ATP10B: variants seen among roughly 807,000 people sequenced by gnomAD.
ATP10B encodes ATPase phospholipid transporting 10B (putative), also known as phospholipid-transporting ATPase VB.
In ATP10B, 122 loss-of-function variants were observed where a neutral mutation model predicts 141.2. That is an observed-to-expected ratio of 0.86 (90% confidence interval 0.75 to 1.00). The LOEUF is 1.00. Ranked by LOEUF, ATP10B falls within the 50% of genes least tolerant of loss-of-function variation. The pLI, the probability that ATP10B is intolerant of heterozygous loss-of-function variation, is 0.00. For missense variants in ATP10B, 1,876 were observed against 1,825.3 expected, an observed-to-expected ratio of 1.03 and a Z score of -0.51; for synonymous variants, 685 against 692.0, an observed-to-expected ratio of 0.99 and a Z score of 0.16.
At chr5:160,890,901 G>T in the ATP10B span, among the ~76,000 whole-genome samples, 2 of 152,180 alleles carry the variant, frequency 1.3e-5, no homozygotes, top group East Asian at 3.9e-4. Flanking sequence ...TGTAGAGACA[G>T]GTCTCACTAT....
intron 6 of ATP10B, among the ~76,000 whole-genome samples, chr5:160,680,396 G>T (rs1262560239): frequency 2.0e-5 from 3 of 152,162 alleles, no homozygotes; most frequent in African/African-American, 7.2e-5. Flanking sequence ...GCATCCATCA[G>T]TTAAGATAAT....
At chr5:160,840,788 A>G (rs887407080) in intron 1 of ATP10B, among the ~76,000 whole-genome samples, 2 of 152,154 alleles carry the variant, frequency 1.3e-5, no homozygotes, top group Non-Finnish European at 2.9e-5. Context: ...AAAATGAACA[A>G]AAGAAAAAGA....
chr5:160,823,019 T>TATATATATAC (rs1444541660), intron 1 of ATP10B, among the ~76,000 whole-genome samples: 1 of 122,090 alleles, frequency 8.2e-6, no homozygotes, highest in African/African-American at 3.0e-5. Flanking sequence ...TATATATATA[T>TATATATATAC]ATATATATAT....
the ATP10B span, among the ~76,000 whole-genome samples, chr5:160,858,912 C>T: frequency 7.9e-5 from 12 of 151,878 alleles, no homozygotes; most frequent in South Asian, 1.7e-3. Flanking sequence ...TATTTAGAAG[C>T]AAATGAAACG....
chr5:160,600,981 G>A lies in ATP10B; in HGVS notation c.3363+1596C>T, dbSNP rs145024835. Among the ~76,000 whole-genome samples the A allele has an allele frequency of 1.4e-3, 207 of 152,192 alleles. 1 individual carries two copies. Among genetic ancestry groups the A allele is most frequent in the African/African-American group, 4.5e-3 (189 of 41,556 alleles). ...TTTGAAAGCGTGGCTGCTTGGAAAC[G>A]TTTTCTTTCCTATTTCACAAATTTA... On this transcript the variant is annotated intron_variant, in intron 21 of 25. Coordinates refer to ENST00000327245, the MANE Select transcript of ATP10B (RefSeq NM_025153.3).
rs2127621547 is a variant in ATP10B at position 160,598,712 on chromosome 5, G to A, written c.3564+58C>T. ...CTCTTTCTCTGATGCCTCCAGAGGG[G>A]AGGTAGAGGTCAGTAAGAAGCTGAA... On this transcript the variant is annotated intron_variant, in intron 22 of 25. Coordinates refer to ENST00000327245, the MANE Select transcript of ATP10B (RefSeq NM_025153.3). 3 of 1,520,044 alleles carry A rather than the reference G, an allele frequency of 2.0e-6. No individual in the cohort carries two copies. The South Asian group carries it at 3.4e-5, about 17-fold the overall frequency. The allele number at this position is 1,520,044 out of a possible 1,614,324, so 94.2% of individuals were successfully genotyped here.
chr5:160,679,904 G>A (rs556709369), intron 6 of ATP10B, among the ~76,000 whole-genome samples: 1 of 152,278 alleles, frequency 6.6e-6, no homozygotes, highest in South Asian at 2.1e-4. Flanking sequence ...GGCTGGTATG[G>A]TTTCTAGATT....
the ATP10B span, among the ~76,000 whole-genome samples, chr5:160,902,091 C>G: frequency 6.6e-6 from 1 of 152,084 alleles, no homozygotes; most frequent in Non-Finnish European, 1.5e-5. Context: ...AGGTCATATA[C>G]AAAAAGAGTT....
At chr5:160,878,846 A>T in the ATP10B span, among the ~76,000 whole-genome samples, 1 of 150,192 alleles carries the variant, frequency 6.7e-6, no homozygotes, top group Non-Finnish European at 1.5e-5. Flanking sequence ...ATACCATCTC[A>T]CACCAGTTAG....
At chr5:160,855,579 C>T (rs1330784482), upstream of ATP10B, among the ~76,000 whole-genome samples, 1 of 150,946 alleles carries the variant, frequency 6.6e-6, no homozygotes, top group Non-Finnish European at 1.5e-5. Flanking sequence ...TCTTTTTATC[C>T]CCTTCACAGG....
chr5:160,744,569 G>C (rs917068614), intron 2 of ATP10B, among the ~76,000 whole-genome samples: 2 of 152,046 alleles, frequency 1.3e-5, no homozygotes, highest in Admixed American at 1.3e-4. Flanking sequence ...AGAAAATTTG[G>C]GTCTGTTTGT....
intron 3 of ATP10B, chr5:160,692,869 A>G (rs1026239114): frequency 2.6e-4 from 40 of 152,210 alleles, no homozygotes; most frequent in African/African-American, 9.4e-4. Context: ...TAGCCCTCCA[A>G]TTAAATCTCT....
intron 19 of ATP10B, among the ~76,000 whole-genome samples, chr5:160,604,376 T>C (rs1484281215): frequency 6.6e-6 from 1 of 152,158 alleles, no homozygotes. Context: ...ACTTTACTGA[T>C]GAGCAAATGG....
At chr5:160,709,208 G>C (rs1419921078) in intron 3 of ATP10B, among the ~76,000 whole-genome samples, 3 of 152,294 alleles carry the variant, frequency 2.0e-5, no homozygotes, top group African/African-American at 7.2e-5. Context: ...TTGAGGTAGG[G>C]AGGAAACTCT....
chr5:160,684,983 G>A (rs774457824), intron 6 of ATP10B: 1 of 703,280 alleles, frequency 1.4e-6, no homozygotes, highest in South Asian at 1.5e-5. Flanking sequence ...TTGACCACAG[G>A]GATAAAATTC....
chr5:160,617,181 A>G (rs1314198564), intron 16 of ATP10B, among the ~76,000 whole-genome samples: 1 of 152,194 alleles, frequency 6.6e-6, no homozygotes. Context: ...ATAGCACCCC[A>G]TTAGCTTTGC....
intron 2 of ATP10B, among the ~76,000 whole-genome samples, chr5:160,784,884 A>G (rs1771017619): frequency 6.6e-6 from 1 of 151,942 alleles, no homozygotes; most frequent in African/African-American, 2.4e-5. Context: ...TTTCTTTCTA[A>G]TAAGATTTTA....
chr5:160,586,246 G>C (rs1262169988), intron 24 of ATP10B, among the ~76,000 whole-genome samples: 1 of 152,170 alleles, frequency 6.6e-6, no homozygotes, highest in Non-Finnish European at 1.5e-5. Flanking sequence ...TTCTGTTCCT[G>C]TGTTAGTTTG....
At chr5:160,782,483 A>T (rs1241577002) in intron 2 of ATP10B, among the ~76,000 whole-genome samples, 1 of 147,072 alleles carries the variant, frequency 6.8e-6, no homozygotes, top group Non-Finnish European at 1.5e-5. Context: ...ACACACACTC[A>T]CTCACTTTAG....
Sources: allele counts gnomAD v4.1 joint callset (sites outside exome capture counted in the v4.1 genomes callset), GRCh38; gene constraint gnomAD v4.1.1; transcripts MANE v1.5; gene names NCBI Gene and HGNC (gene_info 2026-07-23, HGNC 2026-07-21).